The following MEF2A variants were observed in gnomAD, a reference collection of about 807,000 sequenced individuals.
The protein encoded by MEF2A is myocyte-specific enhancer factor 2A.
In MEF2A, 28 loss-of-function variants were observed where a neutral mutation model predicts 55.8. The ratio of observed to expected loss-of-function variants is 0.50; its 90% confidence interval spans 0.37 to 0.69. MEF2A has a LOEUF of 0.69. Among genes scored for constraint, MEF2A ranks in the 30% least tolerant of loss-of-function variants. MEF2A has a pLI of 0.00. For synonymous variants in MEF2A, 239 were observed against 227.1 expected (o/e 1.05, Z -0.47); for missense variants, 528 against 626.2 (o/e 0.84, Z 1.67).
At position 99,616,897 on chromosome 15, in the gene MEF2A, A is replaced by G. The variant is rs75201602; in HGVS notation, c.-142-16081A>G. ...TAGCAGAACCTGTCTGAAACAGATA[A>G]TTGGATTTTGATTGGTTGGCTGGAT... is the stretch of plus-strand genomic sequence containing the variant. On this transcript the variant is annotated intron_variant, in intron 2 of 11. Transcript: ENST00000557942. Among the ~76,000 whole-genome samples, 1,024 of 152,292 alleles carry G rather than the reference A, an allele frequency of 6.7e-3. 11 individuals carry two copies. Among genetic ancestry groups the G allele is most frequent in the African/African-American group, 0.023 (973 of 41,552 alleles).
chr15:99,581,601 C>T (rs1596270672), intron 1 of MEF2A, among the ~76,000 whole-genome samples: 1 of 152,132 alleles, frequency 6.6e-6, no homozygotes, highest in Non-Finnish European at 1.5e-5. Flanking sequence ...CCAAACCCTT[C>T]CTCTTTTGGA....
At chr15:99,673,578 G>A (rs1319283596) in intron 5 of MEF2A, among the ~76,000 whole-genome samples, 1 of 152,116 alleles carries the variant, frequency 6.6e-6, no homozygotes, top group Non-Finnish European at 1.5e-5. Flanking sequence ...ATTGTAAAGA[G>A]CAACATATAT....
chr15:99,572,657 G>A (rs1962819525), intron 1 of MEF2A, among the ~76,000 whole-genome samples: 1 of 152,186 alleles, frequency 6.6e-6, no homozygotes, highest in Non-Finnish European at 1.5e-5. Flanking sequence ...TTGGAATGCT[G>A]TCTTGCACAC....
At chr15:99,664,309 A>G (rs557008995) in intron 4 of MEF2A, among the ~76,000 whole-genome samples, 1 of 152,370 alleles carries the variant, frequency 6.6e-6, no homozygotes, top group Non-Finnish European at 1.5e-5. Context: ...GCAGACAGAT[A>G]GCACTCAAAG....
intron 3 of MEF2A, among the ~76,000 whole-genome samples, chr15:99,640,329 CTA>C (rs2044651206): frequency 6.6e-6 from 1 of 152,030 alleles, no homozygotes. Context: ...CATTTTGGGA[CTA>C]TTTCGTTAGG....
At chr15:99,568,977 G>T (rs1232990702) in intron 1 of MEF2A, among the ~76,000 whole-genome samples, 1 of 152,178 alleles carries the variant, frequency 6.6e-6, no homozygotes, top group Non-Finnish European at 1.5e-5. Context: ...AGTAAATGGA[G>T]AAGTGAGTGC....
intron 4 of MEF2A, among the ~76,000 whole-genome samples, chr15:99,662,349 A>G (rs772068442): frequency 6.6e-5 from 10 of 152,242 alleles, no homozygotes; most frequent in Non-Finnish European, 1.2e-4. Context: ...GTAGCTAGAA[A>G]GAATAGTATA....
intron 2 of MEF2A, among the ~76,000 whole-genome samples, chr15:99,608,887 G>A (rs1353262417): frequency 6.6e-6 from 1 of 151,166 alleles, no homozygotes; most frequent in Non-Finnish European, 1.5e-5. Flanking sequence ...GGTAATAAGA[G>A]TGAAACTCCG....
At position 99,636,506 on chromosome 15, in the gene MEF2A, C is replaced by T. The variant is rs1009925761; in HGVS notation, c.54+3333C>T. ...GACTACGGGCATGTACCACTAGGGC[C>T]GACCCATTCTTTTATTTTTTTGTAG... On this transcript the variant is annotated intron_variant, in intron 3 of 11. Transcript: ENST00000557942. Among the ~76,000 whole-genome samples, 11 of 151,972 alleles carry T rather than the reference C, an allele frequency of 7.2e-5. 1 individual carries two copies. The highest frequency in any genetic ancestry group is 4.2e-4 in the South Asian group (2 of 4,814).
chr15:99,591,864 TA>T (rs765271162), intron 1 of MEF2A, among the ~76,000 whole-genome samples: 3 of 152,154 alleles, frequency 2.0e-5, no homozygotes, highest in East Asian at 3.8e-4. Context: ...TTTGTTCCTT[TA>T]AAAAAATCGT....
At chr15:99,628,536 T>C (rs1039475592) in intron 2 of MEF2A, among the ~76,000 whole-genome samples, 24 of 152,318 alleles carry the variant, frequency 1.6e-4, no homozygotes, top group African/African-American at 3.6e-4. Flanking sequence ...AATCCATTTT[T>C]CCCCCTCTTA....
At chr15:99,687,377 G>A (rs1175055404) in intron 7 of MEF2A, among the ~76,000 whole-genome samples, 1 of 152,042 alleles carries the variant, frequency 6.6e-6, no homozygotes, top group South Asian at 2.1e-4. Context: ...GTGTGTGTGT[G>A]TATTTGTAAC....
chr15:99,704,600 C>T (rs1010488132), intron 9 of MEF2A, among the ~76,000 whole-genome samples: 3 of 152,106 alleles, frequency 2.0e-5, no homozygotes, highest in African/African-American at 7.2e-5. Context: ...GAACTCAGTG[C>T]CGTTGAGATG....
intron 1 of MEF2A, among the ~76,000 whole-genome samples, chr15:99,577,233 C>G (rs1003020472): frequency 1.1e-4 from 16 of 152,164 alleles, no homozygotes; most frequent in African/African-American, 3.6e-4. Context: ...TGCTTCTGAT[C>G]CAGGAGTTAT....
rs1474959064 is a variant in MEF2A, at chr15:99,715,430, A to C, written c.*2659A>C. 1 of 152,246 alleles carries C rather than the reference A, an allele frequency of 6.6e-6. No homozygotes were observed. Among genetic ancestry groups the C allele is most frequent in the African/African-American group, 2.4e-5 (1 of 41,460 alleles). The allele number at this position is 152,246 out of a possible 1,614,324, so 9.4% of individuals were successfully genotyped here. On this transcript the variant is annotated 3_prime_UTR_variant, in exon 12 of 12. Transcript: ENST00000557942. ...TACTCAAGGCTCGGAGTTTGTATTT[A>C]AATTACACTGACCAAGTAACAATGT...
At chr15:99,653,300 T>C (rs1223970528) in intron 4 of MEF2A, among the ~76,000 whole-genome samples, 1 of 152,336 alleles carries the variant, frequency 6.6e-6, no homozygotes, top group East Asian at 1.9e-4. Flanking sequence ...AAGAGACAGC[T>C]GTATAGTTTT....
chr15:99,673,107 A>G (rs989760720), intron 5 of MEF2A, among the ~76,000 whole-genome samples: 2 of 152,194 alleles, frequency 1.3e-5, no homozygotes, highest in African/African-American at 4.8e-5. Flanking sequence ...TGTGTATTGT[A>G]TGCCTGCATT....
intron 9 of MEF2A, 159 bp from the exon 10 acceptor site, chr15:99,706,570 T>G (rs566594009): frequency 5.8e-6 from 4 of 693,000 alleles, no homozygotes; most frequent in African/African-American, 5.3e-5. Context: ...ATTAAATATT[T>G]AGTTATTCTC....
chr15:99,601,768 A>G (rs555501095), intron 2 of MEF2A, among the ~76,000 whole-genome samples: 2 of 151,782 alleles, frequency 1.3e-5, no homozygotes, highest in East Asian at 1.9e-4. Flanking sequence ...TAAAAAGTCT[A>G]CATTCATAGA....
Sources: gnomAD v4.1 joint callset for allele counts (sites outside exome capture counted in the v4.1 genomes callset) on GRCh38, gnomAD v4.1.1 for gene constraint, MANE v1.5 for transcripts, NCBI Gene and HGNC (gene_info 2026-07-23, HGNC 2026-07-21) for gene names.